The following ZZEF1 variants were observed in gnomAD, a reference collection of about 807,000 sequenced individuals.
The protein encoded by ZZEF1 is zinc finger ZZ-type and EF-hand domain-containing protein 1.
ZZEF1 carries 157 observed loss-of-function variants against 342.8 expected under a neutral mutation model. That is an observed-to-expected ratio of 0.46 (90% CI 0.40 to 0.52). The LOEUF is 0.52. Ranked by LOEUF, ZZEF1 falls within the 20% of genes least tolerant of loss-of-function variation. The probability of loss-of-function intolerance (pLI) is 0.00; values close to 1 mark genes in which losing one functional copy is unlikely to be tolerated. For missense variants in ZZEF1, 3,480 were observed against 3,725.6 expected, an observed-to-expected ratio of 0.93 and a Z score of 1.72; for synonymous variants, 1,505 against 1,429.1, an observed-to-expected ratio of 1.05 and a Z score of -1.20.
intron 2 of ZZEF1, among the ~76,000 whole-genome samples, chr17:4,120,750 G>C (rs779270196): frequency 3.9e-4 from 59 of 152,220 alleles, no homozygotes; most frequent in Middle Eastern, 3.4e-3. Context: ...AGACCAGACT[G>C]GGCAACATGG....
chr17:4,065,543 T>A lies in ZZEF1; in HGVS notation c.4250-714A>T, dbSNP rs80189379. Reference sequence around the variant, plus strand: ...TCAGCACACTTTTTAGAAAAAGTTTTATTGTAGATGTTTTCAAACATGTAT... The same window carrying A: ...TCAGCACACTTTTTAGAAAAAGTTTAATTGTAGATGTTTTCAAACATGTAT... On this transcript the variant is annotated intron_variant, in intron 28 of 54. Transcript: ENST00000381638. Among the ~76,000 whole-genome samples, 797 of 152,266 alleles carry A rather than the reference T, an allele frequency of 5.2e-3. 10 individuals are homozygous for A. The highest frequency in any genetic ancestry group is 0.018 in the African/African-American group (763 of 41,534).
At chr17:4,077,555 A>G (rs533081190) in intron 19 of ZZEF1, among the ~76,000 whole-genome samples, 21 of 152,214 alleles carry the variant, frequency 1.4e-4, no homozygotes, top group Non-Finnish European at 2.9e-4. Flanking sequence ...TCATTTTTAG[A>G]TGACTTGATT....
rs74374859 is a variant in ZZEF1 at position 4,101,097 on chromosome 17, C to G, written c.1672+1220G>C. On this transcript the variant is annotated intron_variant, in intron 9 of 54. Coordinates refer to ENST00000381638, the MANE Select transcript of ZZEF1 (RefSeq NM_015113.4). ...ATGGATGTGGTAAAGAAAAACGTTTCTGCACAGGCTGAGCTGCTCAGGGAA... is the reference window on the plus strand; with the variant it reads ...ATGGATGTGGTAAAGAAAAACGTTTGTGCACAGGCTGAGCTGCTCAGGGAA... 6.6e-3 allele frequency among the ~76,000 whole-genome samples: 1,002 copies of G among 152,266 alleles called. 14 individuals carry two copies. Among genetic ancestry groups the G allele is most frequent in the African/African-American group, 0.023 (948 of 41,552 alleles).
intron 2 of ZZEF1, among the ~76,000 whole-genome samples, chr17:4,118,091 G>T (rs191056172): frequency 1.1e-3 from 170 of 152,270 alleles, no homozygotes; most frequent in Non-Finnish European, 1.5e-3. Flanking sequence ...TGAGGCCATC[G>T]GTACAGGCTG....
Position 4,059,241 on chromosome 17 carries a change from G to A in ZZEF1, c.4933C>T (p.Arg1645Ter), listed in dbSNP as rs1262131601. Residue 1645 changes from arginine to a stop codon, truncating the protein, a stop_gained, in exon 31 of 55, where the codon CGA becomes TGA. Transcript: ENST00000381638. LOFTEE classifies it high-confidence loss of function. Reference sequence around the variant, plus strand: ...AGAACAAGTTGATAGTAAGTGTCTCGAATTTCTTTGTGTAGATCAGCACCA... The same window carrying A: ...AGAACAAGTTGATAGTAAGTGTCTCAAATTTCTTTGTGTAGATCAGCACCA... Reference protein sequence around the residue: ...GCGADLHKEIRDTYYQLVLFL... With the variant: ...GCGADLHKEI The A allele has an allele frequency of 3.1e-6, 5 of 1,607,510 alleles. No individual in the cohort carries two copies. The highest frequency in any genetic ancestry group is 1.7e-5 in the Admixed American group (1 of 57,884).
chr17:4,059,404 C>A, intron 30 of ZZEF1, 114 bp from the exon 31 acceptor site: 1 of 1,322,256 alleles, frequency 7.6e-7, no homozygotes, highest in Non-Finnish European at 1.0e-6. Flanking sequence ...AGCAAAGCGG[C>A]ACAGGAACTT....
rs1359543691 is a variant in ZZEF1 at position 4,017,966 on chromosome 17, T to C, written c.7511A>G (p.Asp2504Gly). 3 of 1,613,364 alleles carry C rather than the reference T, an allele frequency of 1.9e-6. No homozygotes were observed. The highest frequency in any genetic ancestry group is 2.5e-6 in the Non-Finnish European group (3 of 1,180,032). The change falls in exon 47 of 55, where the codon GAT (aspartate) becomes GGT (glycine). Residue 2504 changes from aspartate (D) to glycine (G), a missense_variant. Asp to Gly is a moderately conservative substitution (Grantham distance 94). Coordinates refer to ENST00000381638, the MANE Select transcript of ZZEF1 (RefSeq NM_015113.4). The surrounding 1 kb of genome is among the most constrained non-coding windows in gnomAD (Gnocchi z 5.1). ...TTCATCTGTGGTGAGCTCATCACCA[T>C]CAAACCTGCAGAAGGGCAGCACAAA... Reference protein sequence around the residue: ...YFFLEVQKRFDGDELTTDERI... With the variant: ...YFFLEVQKRFGGDELTTDERI...
chr17:4,130,060 G>A (rs1426074194), intron 1 of ZZEF1, among the ~76,000 whole-genome samples: 1 of 152,138 alleles, frequency 6.6e-6, no homozygotes, highest in Admixed American at 6.5e-5. Context: ...TAACTATTGG[G>A]TGCTGGGCTT....
intron 39 of ZZEF1, among the ~76,000 whole-genome samples, chr17:4,041,885 A>T (rs560472684): frequency 2.7e-5 from 4 of 149,706 alleles, no homozygotes; most frequent in Non-Finnish European, 4.5e-5. Flanking sequence ...ATCCTGATTT[A>T]AAAAAAAAAC....
At chr17:4,082,298 G>A in intron 17 of ZZEF1, 139 bp downstream of exon 17, 2 of 708,924 alleles carry the variant, frequency 2.8e-6, no homozygotes, top group Non-Finnish European at 4.8e-6. Flanking sequence ...CACTATTTGG[G>A]TCACCCACAG....
chr17:4,112,502 C>G lies in ZZEF1; in HGVS notation c.1066+107G>C. The G allele has an allele frequency of 2.7e-6, 3 of 1,098,268 alleles. No individual in the cohort carries two copies. The South Asian group carries it at 4.0e-5, about 15-fold the overall frequency. 68.0% of individuals were successfully genotyped at this position (1,098,268 alleles called of 1,614,324 possible). A position where few individuals can be genotyped will look rare whatever the true frequency, so the allele number is the denominator to read the frequency against. ...ATGAAATAATGAACACTTTTGTGTA[C>G]GTCCTAAGAAGCAAACCGAATCTCA... On this transcript the variant is annotated intron_variant, in intron 5 of 54. Transcript: ENST00000381638.
intron 30 of ZZEF1, among the ~76,000 whole-genome samples, chr17:4,062,179 C>T (rs1334446487): frequency 6.6e-6 from 1 of 152,076 alleles, no homozygotes; most frequent in African/African-American, 2.4e-5. Flanking sequence ...GCTGGTCATT[C>T]ACCTCTTTGG....
Position 4,014,485 on chromosome 17 carries a change from G to A in ZZEF1, c.8176C>T (p.Leu2726Phe). ...DKVHIPGAIY[L>F]SIKFDSQCNT... ...CACTGAGAGTCGAATTTGATTGAGA[G>A]GTAGATGGCACCAGGAATGTGAACT... The change falls in exon 50 of 55, where the codon CTC (leucine) becomes TTC (phenylalanine). Residue 2726 changes from leucine to phenylalanine, a missense_variant. Coordinates refer to ENST00000381638, the MANE Select transcript of ZZEF1 (RefSeq NM_015113.4). The surrounding 1 kb of genome is among the most constrained non-coding windows in gnomAD (Gnocchi z 4.4). 6.2e-7 allele frequency: 1 copy of A among 1,614,232 alleles called. No homozygotes were observed. The highest frequency in any genetic ancestry group is 8.5e-7 in the Non-Finnish European group (1 of 1,180,040).
intron 1 of ZZEF1, 102 bp downstream of exon 1, chr17:4,142,440 G>A (rs2058874436): frequency 1.6e-6 from 2 of 1,242,286 alleles, no homozygotes; most frequent in East Asian, 2.6e-5. Flanking sequence ...CACCTCATAT[G>A]GGTCCCCGCC....
chr17:4,018,695 C>T (rs961626247), intron 46 of ZZEF1, among the ~76,000 whole-genome samples: 1 of 152,132 alleles, frequency 6.6e-6, no homozygotes, highest in Non-Finnish European at 1.5e-5. Flanking sequence ...TCTAAAGCTC[C>T]CTGAGTTTTA....
chr17:4,013,871 C>T (rs975957066), intron 51 of ZZEF1, among the ~76,000 whole-genome samples: 5 of 152,088 alleles, frequency 3.3e-5, no homozygotes, highest in Admixed American at 3.3e-4. Flanking sequence ...TTTTCGGGTC[C>T]TGACAGAATG....
At chr17:4,080,182 C>G (rs1449044932) in intron 18 of ZZEF1, among the ~76,000 whole-genome samples, 3 of 152,142 alleles carry the variant, frequency 2.0e-5, no homozygotes, top group Non-Finnish European at 4.4e-5. Flanking sequence ...GACTGATCCA[C>G]TTGGAGCATA....
intron 1 of ZZEF1, among the ~76,000 whole-genome samples, chr17:4,137,055 A>AG (rs1211181701): frequency 2.0e-5 from 3 of 150,538 alleles, no homozygotes; most frequent in Admixed American, 2.0e-4. Context: ...TGGCTGCTTA[A>AG]AGAGCACTGG....
chr17:4,088,928 T>G (rs747169106), intron 12 of ZZEF1, 35 bp from the exon 13 acceptor site: 8 of 1,599,424 alleles, frequency 5.0e-6, no homozygotes, highest in Non-Finnish European at 6.8e-6. Flanking sequence ...ATAGAAGAAC[T>G]CAGAATCCCT....
Sources: allele counts gnomAD v4.1 joint callset (sites outside exome capture counted in the v4.1 genomes callset), GRCh38; gene constraint gnomAD v4.1.1; non-coding constraint Gnocchi (gnomAD v3.1); transcripts MANE v1.5; gene names NCBI Gene and HGNC (gene_info 2026-07-23, HGNC 2026-07-21).